The following MST1R variants were observed in gnomAD, a reference collection of about 807,000 sequenced individuals.
MST1R encodes macrophage stimulating 1 receptor.
In MST1R, 99 loss-of-function variants were observed where a neutral mutation model predicts 117.8. The ratio of observed to expected loss-of-function variants is 0.84; its 90% confidence interval spans 0.71 to 0.99. The LOEUF is 0.99. Among genes scored for constraint, MST1R ranks in the 50% least tolerant of loss-of-function variants. MST1R has a pLI of 0.00. For synonymous variants in MST1R, 734 were observed against 765.3 expected (o/e 0.96, Z 0.68); for missense variants, 1,683 against 1,840.2 (o/e 0.91, Z 1.56).
In MST1R at chr3:49,903,227, G is replaced by A. The variant is rs150064162; in HGVS notation, c.383C>T (p.Ala128Val). 4.4e-5 allele frequency: 71 copies of A among 1,607,406 alleles called. No individual in the cohort carries two copies. Among genetic ancestry groups the A allele is most frequent in the Middle Eastern group, 1.7e-4 (1 of 6,060 alleles). ...GCCACAACTGACCAGCGCAGGCAGC[G>A]CGGGATCCAGCACCAGCACCTTTGT... The part of the protein sequence containing the change: ...TDTKVLVLDP[A>V]LPALVSCGSS... Residue 128 changes from alanine to valine, a missense_variant, in exon 1 of 20, where the codon GCG (alanine) becomes GTG (valine). Physicochemically the swap from Ala to Val is moderately conservative, Grantham distance 64. Transcript: ENST00000296474.
chr3:49,893,280 A>AAAATAAATAAAT (rs59923845), intron 14 of MST1R, among the ~76,000 whole-genome samples: 2 of 140,684 alleles, frequency 1.4e-5, no homozygotes, highest in African/African-American at 5.3e-5. Context: ...TTCTGTCTCA[A>AAAATAAATAAAT]AAATAAATAA....
intron 18 of MST1R, 81 bp from the exon 19 acceptor site, chr3:49,890,141 G>T: frequency 6.7e-7 from 1 of 1,498,538 alleles, no homozygotes; most frequent in Non-Finnish European, 8.9e-7. Flanking sequence ...CTACCTCCCA[G>T]AGTCCTTCAG....
chr3:49,890,120 C>A (rs1006961888), intron 18 of MST1R, 60 bp from the exon 19 acceptor site: 16 of 1,533,650 alleles, frequency 1.0e-5, no homozygotes, highest in Non-Finnish European at 1.4e-5. Context: ...CAGGTGGGTC[C>A]CCCAGGGCTT....
chr3:49,891,102 A>C, intron 17 of MST1R, 95 bp downstream of exon 17: 1 of 1,082,178 alleles, frequency 9.2e-7, no homozygotes, highest in Non-Finnish European at 1.4e-6. Context: ...AGGGGAGGAC[A>C]AGGCTGGAGT....
Position 49,902,909 on chromosome 3 carries a change from G to C in MST1R, c.701C>G (p.Ala234Gly), listed in dbSNP as rs1224367583. 1 of 1,613,384 alleles carries C rather than the reference G, an allele frequency of 6.2e-7. No individual in the cohort carries two copies. The highest frequency in any genetic ancestry group is 8.5e-7 in the Non-Finnish European group (1 of 1,180,060). ...DASGFAPGFV[A>G]LSVLPKHLVS... ...AAGATGCTTGGGCAGCACTGACAAC[G>C]CCACAAAGCCCGGTGCGAATCCCGA... The change falls in exon 1 of 20, where the codon GCG becomes GGG. Residue 234 changes from alanine to glycine, a missense_variant. Transcript: ENST00000296474.
At position 49,896,819 on chromosome 3, in the gene MST1R, T is replaced by A; in HGVS notation, c.2255A>T (p.Gln752Leu). ...ACCAGGTACCTGGGCACCCCCCACC[T>A]GCAGGCTAAGGGGGACACTGGCCAC... ...ATVASVPLSL[Q>L]VGGAQVPGSW... Residue 752 changes from glutamine (Q) to leucine (L), a missense_variant, in exon 8 of 20, where the codon CAG becomes CTG. Coordinates refer to ENST00000296474, the MANE Select transcript of MST1R (RefSeq NM_002447.4). 6.4e-7 allele frequency: 1 copy of A among 1,558,370 alleles called. No homozygotes were observed. Among genetic ancestry groups the A allele is most frequent in the Non-Finnish European group, 8.7e-7 (1 of 1,150,270 alleles).
Position 49,902,732 on chromosome 3 carries a change from T to C in MST1R, c.878A>G (p.Tyr293Cys), listed in dbSNP as rs769484967. Residue 293 changes from tyrosine (Y) to cysteine (C), a missense_variant, in exon 1 of 20, where the codon TAT becomes TGT. Physicochemically the swap from Tyr to Cys is radical, Grantham distance 194 (BLOSUM62 -2). Coordinates refer to ENST00000296474, the MANE Select transcript of MST1R (RefSeq NM_002447.4). Reference sequence around the variant, plus strand: ...TCTGCAGTCGAGGACCAGCTCCCGATAGTCACCCAACTCTGGCTCAGTGGC... The same window carrying C: ...TCTGCAGTCGAGGACCAGCTCCCGACAGTCACCCAACTCTGGCTCAGTGGC... ...LSATEPELGDYRELVLDCRFA... is the reference protein window; with the variant it reads ...LSATEPELGDCRELVLDCRFA... The C allele has an allele frequency of 3.3e-5, 54 of 1,613,668 alleles. 1 individual carries two copies. In the Admixed American group the frequency reaches 3.7e-4, roughly 11 times the overall value.
At chr3:49,898,330 C>A in intron 4 of MST1R, 119 bp from the exon 5 acceptor site, 1 of 1,435,254 alleles carries the variant, frequency 7.0e-7, no homozygotes, top group Admixed American at 1.9e-5. Context: ...CATTTGGAGT[C>A]ACTTGCATTC....
rs773088776 is a variant in MST1R at position 49,899,250 on chromosome 3, G to A, written c.1244C>T (p.Ala415Val). 9 of 1,614,010 alleles carry A rather than the reference G, an allele frequency of 5.6e-6. No individual in the cohort carries two copies. The South Asian group carries it at 8.8e-5, about 16-fold the overall frequency. Reference sequence around the variant, plus strand: ...GCGGCAGCTGGTGTTGGGGCTGAGGGCTTCCAGGCCAGGCTGGGAAAGGTC... The same window carrying A: ...GCGGCAGCTGGTGTTGGGGCTGAGGACTTCCAGGCCAGGCTGGGAAAGGTC... ...SFCPNPPGLE[A>V]LSPNTSCRHF... Residue 415 changes from alanine (A) to valine (V), a missense_variant, in exon 2 of 20, where the codon GCC becomes GTC. Coordinates refer to ENST00000296474, the MANE Select transcript of MST1R (RefSeq NM_002447.4).
At chr3:49,894,089 C>T (rs906820677) in intron 14 of MST1R, among the ~76,000 whole-genome samples, 2 of 150,584 alleles carry the variant, frequency 1.3e-5, no homozygotes. Context: ...GTGGCAGGCG[C>T]CTGTAATCCT....
At position 49,890,644 on chromosome 3, in the gene MST1R, G is replaced by C. The variant is rs140747428; in HGVS notation, c.3651C>G (p.Asp1217Glu). Residue 1217 changes from aspartate to glutamate, a missense_variant, in exon 18 of 20, where the codon GAC (aspartate) becomes GAG (glutamate). Transcript: ENST00000296474. ...RDLAARNCMLDESFTVKVADF... is the reference protein window; with the variant it reads ...RDLAARNCMLEESFTVKVADF... Reference sequence around the variant, plus strand: ...CAGCCACCTTGACTGTGAATGACTCGTCCAGCCTTAGGGGTAGGGAGAGGA... The same window carrying C: ...CAGCCACCTTGACTGTGAATGACTCCTCCAGCCTTAGGGGTAGGGAGAGGA... 5 of 1,610,886 alleles carry C rather than the reference G, an allele frequency of 3.1e-6. No homozygotes were observed. Among genetic ancestry groups the C allele is most frequent in the Non-Finnish European group, 4.2e-6 (5 of 1,177,936 alleles).
chr3:49,902,083 C>T (rs2082697515), intron 1 of MST1R, among the ~76,000 whole-genome samples: 1 of 152,064 alleles, frequency 6.6e-6, no homozygotes, highest in South Asian at 2.1e-4. Flanking sequence ...TTATGTAACC[C>T]TATCCTCACA....
In MST1R at chr3:49,897,346, C is replaced by T; in HGVS notation, c.2117G>A (p.Gly706Asp). The change falls in exon 7 of 20, where the codon GGC (glycine) becomes GAC (aspartate). Residue 706 changes from glycine to aspartate, a missense_variant. Transcript: ENST00000296474. ...GCTGGTGCCTACAGACAGACTCTGG[C>T]CTTCAAGAGTGAGACAGGTGCCTCC... is the stretch of plus-strand genomic sequence containing the variant. ...RAGGTCLTLE[G>D]QSLSVGTSRA... 1.2e-6 allele frequency: 2 copies of T among 1,613,930 alleles called. No individual in the cohort carries two copies. The highest frequency in any genetic ancestry group is 1.7e-6 in the Non-Finnish European group (2 of 1,179,972).
rs1388414625 is a variant in MST1R at position 49,891,510 on chromosome 3, CG to C, written c.3422del (p.Pro1141ArgfsTer42). On this transcript the variant is annotated frameshift_variant, in exon 16 of 20. Transcript: ENST00000296474. LOFTEE classifies it high-confidence loss of function. ...EGLLMRGLNH[P>X]NVLALIGIML... ...TGATACCAATGAGAGCCAGCACATT[CG>C]GGTGGTTCAGGCCACGCATGAGCAG... The C allele has an allele frequency of 3.7e-6, 6 of 1,613,876 alleles. No homozygotes were observed. The highest frequency in any genetic ancestry group is 8.5e-7 in the Non-Finnish European group (1 of 1,180,048).
In MST1R at chr3:49,902,870, A is replaced by G. The variant is rs763038886; in HGVS notation, c.740T>C (p.Ile247Thr). Residue 247 changes from isoleucine to threonine, a missense_variant, in exon 1 of 20, where the codon ATT becomes ACT. Ile to Thr is a moderately conservative substitution (Grantham distance 89). Transcript: ENST00000296474. ...VLPKHLVSYS[I>T]EYVHSFHTGA... is the part of the protein sequence containing the mutation. ...CGTGTGGAAGCTGTGCACGTATTCA[A>G]TACTGTAGGAGACAAGATGCTTGGG... 1.2e-6 allele frequency: 2 copies of G among 1,613,608 alleles called. No homozygotes were observed. The highest frequency in any genetic ancestry group is 1.1e-5 in the South Asian group (1 of 91,092).
chr3:49,890,312 C>T (rs557347540), intron 18 of MST1R, among the ~76,000 whole-genome samples, 173 bp downstream of exon 18: 18 of 152,320 alleles, frequency 1.2e-4, no homozygotes, highest in African/African-American at 4.1e-4. Flanking sequence ...CCTCCTCTAG[C>T]CCTGGCAGGT....
Position 49,896,340 on chromosome 3 carries a change from T to C in MST1R, c.2504A>G (p.Gln835Arg), listed in dbSNP as rs769040919. ...RLPEYVVRDP[Q>R]GWVAGNLSAR... ...ACTCAGATTCCCTGCCACCCATCCC[T>C]GGGGGTCTCGGACCACATATTCAGG... The change falls in exon 10 of 20, where the codon CAG (glutamine) becomes CGG (arginine). Residue 835 changes from glutamine (Q) to arginine (R), a missense_variant. Transcript: ENST00000296474. 3 of 1,614,062 alleles carry C rather than the reference T, an allele frequency of 1.9e-6. No homozygotes were observed. The highest frequency in any genetic ancestry group is 1.7e-6 in the Non-Finnish European group (2 of 1,180,008).
At chr3:49,897,468 C>T in intron 6 of MST1R, 52 bp from the exon 7 acceptor site, 2 of 1,609,878 alleles carry the variant, frequency 1.2e-6, no homozygotes, top group Middle Eastern at 1.7e-4. Context: ...AAGCCCCTCC[C>T]TTCCCGTACC....
chr3:49,896,228 T>A lies in MST1R; in HGVS notation c.2616A>T (p.Pro872=). ...TAATGGCATGCTCCTCAGGCTTCAG[T>A]GGAACTAGGTTGGCACTGGGTGGAT... ...PPHPPSANLV[P]LKPEEHAIKF... The change falls in exon 10 of 20, where the codon CCA becomes CCT. Residue 872 remains proline, a synonymous_variant. Transcript: ENST00000296474. 6.2e-7 allele frequency: 1 copy of A among 1,614,060 alleles called. No individual in the cohort carries two copies. The highest frequency in any genetic ancestry group is 2.2e-5 in the East Asian group (1 of 44,870).
Sources: allele counts gnomAD v4.1 joint callset (sites outside exome capture counted in the v4.1 genomes callset), GRCh38; gene constraint gnomAD v4.1.1; transcripts MANE v1.5; gene names NCBI Gene and HGNC (gene_info 2026-07-23, HGNC 2026-07-21).